Variants in NFIB observed in about 807,000 individuals in gnomAD.
NFIB encodes the protein nuclear factor 1 B-type.
Under a neutral mutation model 61.5 loss-of-function variants are expected in NFIB, and 11 were observed. The ratio of observed to expected loss-of-function variants is 0.18; its 90% CI spans 0.11 to 0.30. NFIB has a LOEUF of 0.30. NFIB is among the 10% of genes least tolerant of loss of function. The probability of loss-of-function intolerance (pLI) is 1.00; values close to 1 mark genes in which losing one functional copy is unlikely to be tolerated. For synonymous variants in NFIB, 260 were observed against 216.5 expected, an observed-to-expected ratio of 1.20 and a Z score of -1.76; for missense variants, 471 against 608.9, an observed-to-expected ratio of 0.77 and a Z score of 2.38.
In NFIB at chr9:14,084,941, T is replaced by G. The variant is rs980239646; in HGVS notation, c.*3368A>C. 2 of 230,584 alleles carry G rather than the reference T, an allele frequency of 8.7e-6. No homozygotes were observed. The highest frequency in any genetic ancestry group is 1.7e-5 in the Non-Finnish European group (2 of 116,218). 14.3% of individuals were successfully genotyped at this position (230,584 alleles called of 1,614,324 possible). A position where few individuals can be genotyped will look rare whatever the true frequency, so the allele number is the denominator to read the frequency against. On this transcript the variant is annotated 3_prime_UTR_variant, in exon 11 of 11. Transcript: ENST00000380953. ...GGCAGGAATACCCACAGTGTGTAAC[T>G]TGGTTAGCTAGAACTGCTCACTGGC...
intron 2 of NFIB, among the ~76,000 whole-genome samples, chr9:14,291,933 C>G (rs1356728874): frequency 6.6e-6 from 1 of 151,926 alleles, no homozygotes; most frequent in East Asian, 1.9e-4. Flanking sequence ...TAGTTGAGTG[C>G]AATTTAGTGT....
chr9:14,481,197 G>GTGTGTGTATATA, the NFIB span, among the ~76,000 whole-genome samples: 1 of 45,824 alleles, frequency 2.2e-5, no homozygotes. Flanking sequence ...GTGTGTGTGT[G>GTGTGTGTATATA]TATATATATA....
chr9:14,436,319 C>A, the NFIB span, among the ~76,000 whole-genome samples: 1 of 152,216 alleles, frequency 6.6e-6, no homozygotes, highest in African/African-American at 2.4e-5. Context: ...GGACTTCCAG[C>A]CATGCCACTA....
At chr9:14,515,947 C>CT in the NFIB span, among the ~76,000 whole-genome samples, 6 of 152,256 alleles carry the variant, frequency 3.9e-5, no homozygotes, top group African/African-American at 1.4e-4. Flanking sequence ...CATTCAAAGG[C>CT]TGTGACTGCT....
At chr9:14,370,918 A>G (rs946106580) in intron 1 of NFIB, among the ~76,000 whole-genome samples, 3 of 152,188 alleles carry the variant, frequency 2.0e-5, no homozygotes. Flanking sequence ...AACGTGGCGA[A>G]ACCCCATCTC....
At chr9:14,512,745 T>A in the NFIB span, among the ~76,000 whole-genome samples, 3 of 152,052 alleles carry the variant, frequency 2.0e-5, no homozygotes, top group African/African-American at 7.2e-5. Context: ...CCACCTCCCT[T>A]TTCTCTCTTC....
At chr9:14,468,188 C>T in the NFIB span, among the ~76,000 whole-genome samples, 1 of 152,230 alleles carries the variant, frequency 6.6e-6, no homozygotes. Flanking sequence ...ATGATGTCAT[C>T]AGAGCCTGGT....
At chr9:14,510,906 T>C in the NFIB span, among the ~76,000 whole-genome samples, 2 of 152,226 alleles carry the variant, frequency 1.3e-5, no homozygotes, top group African/African-American at 4.8e-5. Context: ...TTACTGGTAG[T>C]ACATCATAAG....
intron 3 of NFIB, 77 bp downstream of exon 3, chr9:14,179,650 T>C: frequency 6.7e-7 from 1 of 1,490,380 alleles, no homozygotes; most frequent in South Asian, 1.2e-5. Context: ...TGACCAATTA[T>C]GGGGTGTTTA....
intron 2 of NFIB, among the ~76,000 whole-genome samples, chr9:14,256,408 T>C (rs959499958): frequency 6.6e-6 from 1 of 152,100 alleles, no homozygotes; most frequent in Non-Finnish European, 1.5e-5. Flanking sequence ...AACCCCTCCT[T>C]ACAAACAGAA....
intron 1 of NFIB, among the ~76,000 whole-genome samples, chr9:14,371,803 T>G (rs1055489174): frequency 5.5e-4 from 84 of 152,314 alleles, no homozygotes; most frequent in African/African-American, 1.9e-3. Context: ...CCCTTTTGGT[T>G]TGCCCTAAAC....
the NFIB span, among the ~76,000 whole-genome samples, chr9:14,509,820 G>A: frequency 1.3e-5 from 2 of 152,202 alleles, no homozygotes; most frequent in Non-Finnish European, 2.9e-5. Context: ...AGCAGGTGTG[G>A]TAAGTTCTTG....
chr9:14,325,359 T>G (rs1481000018), intron 1 of NFIB, among the ~76,000 whole-genome samples: 1 of 152,116 alleles, frequency 6.6e-6, no homozygotes, highest in Non-Finnish European at 1.5e-5. Flanking sequence ...CACTTGCAGT[T>G]AAGATTTTTC....
intron 10 of NFIB, among the ~76,000 whole-genome samples, chr9:14,089,446 T>TA (rs967507003): frequency 6.0e-5 from 9 of 150,188 alleles, no homozygotes; most frequent in African/African-American, 9.8e-5. Context: ...ATATGGAGGA[T>TA]AAAAAAAATC....
the NFIB span, among the ~76,000 whole-genome samples, chr9:14,456,874 G>C: frequency 6.6e-6 from 1 of 152,118 alleles, no homozygotes; most frequent in African/African-American, 2.4e-5. Context: ...GTGTGAAATG[G>C]CAATGGCAAC....
At chr9:14,188,140 T>C (rs1300568104) in intron 2 of NFIB, among the ~76,000 whole-genome samples, 1 of 152,228 alleles carries the variant, frequency 6.6e-6, no homozygotes, top group East Asian at 1.9e-4. Flanking sequence ...TTGTCAAGAT[T>C]GCTGACTTTC....
At chr9:14,155,621 T>C (rs956442219) in intron 4 of NFIB, among the ~76,000 whole-genome samples, 1 of 152,174 alleles carries the variant, frequency 6.6e-6, no homozygotes, top group African/African-American at 2.4e-5. Flanking sequence ...AAAATTATTT[T>C]TGTACAACAA....
intron 10 of NFIB, chr9:14,094,222 T>G (rs918413817): frequency 6.6e-6 from 1 of 152,130 alleles, no homozygotes; most frequent in Non-Finnish European, 1.5e-5. Context: ...CTCACTGGAC[T>G]AGAAGTTATA....
chr9:14,281,819 G>C (rs1563972175), intron 2 of NFIB, among the ~76,000 whole-genome samples: 1 of 151,486 alleles, frequency 6.6e-6, no homozygotes. Context: ...ACGTTCACAT[G>C]CACACACACA....
Sources: allele counts gnomAD v4.1 joint callset (sites outside exome capture counted in the v4.1 genomes callset), GRCh38; gene constraint gnomAD v4.1.1; transcripts MANE v1.5; gene names NCBI Gene and HGNC (gene_info 2026-07-23, HGNC 2026-07-21).